GALNT18: variants seen among roughly 807,000 people sequenced by gnomAD.
The protein encoded by GALNT18 is polypeptide N-acetylgalactosaminyltransferase 18.
Under a neutral mutation model 69.5 loss-of-function variants are expected in GALNT18, and 44 were observed. The ratio of observed to expected loss-of-function variants is 0.63; its 90% CI spans 0.50 to 0.81. GALNT18 has a LOEUF of 0.81. GALNT18 is among the 40% of genes least tolerant of loss of function. GALNT18 has a pLI of 0.00. For synonymous variants in GALNT18, 364 were observed against 318.2 expected (o/e 1.14, Z -1.53); for missense variants, 715 against 810.0 (o/e 0.88, Z 1.42).
rs531369596 is a variant in GALNT18, at chr11:11,428,945, A to G, written c.595+3676T>C. 1.2e-4 allele frequency among the ~76,000 whole-genome samples: 19 copies of G among 152,146 alleles called. 1 individual carries two copies. In the South Asian group the frequency reaches 4.0e-3, roughly 32 times the overall value. ...GGGTCATGATGTAACTTTATTTCTT[A>G]CTGTAGAGGATGGTAATTTTTAATT... is the stretch of plus-strand genomic sequence containing the variant. On this transcript the variant is annotated intron_variant, in intron 3 of 10. Transcript: ENST00000227756.
At chr11:11,272,992 A>G (rs1848859516) in intron 10 of GALNT18, among the ~76,000 whole-genome samples, 2 of 148,502 alleles carry the variant, frequency 1.3e-5, no homozygotes, top group African/African-American at 2.4e-5. Flanking sequence ...ATGCAAAAGA[A>G]TGAAACTAGA....
intron 1 of GALNT18, among the ~76,000 whole-genome samples, chr11:11,451,287 A>G (rs1181165231): frequency 6.6e-6 from 1 of 152,220 alleles, no homozygotes; most frequent in African/African-American, 2.4e-5. Context: ...AAAAATCTAA[A>G]TCAGTGAACC....
At chr11:11,449,137 CA>C (rs1855733084) in intron 1 of GALNT18, among the ~76,000 whole-genome samples, 1 of 152,216 alleles carries the variant, frequency 6.6e-6, no homozygotes, top group South Asian at 2.1e-4. Flanking sequence ...CCACAACCAC[CA>C]GGCACAGGAG....
At chr11:11,282,623 G>A (rs935633365) in intron 10 of GALNT18, among the ~76,000 whole-genome samples, 3 of 152,154 alleles carry the variant, frequency 2.0e-5, no homozygotes, top group Non-Finnish European at 4.4e-5. Context: ...CAGTGGTGGT[G>A]AACTAGACTG....
At chr11:11,565,739 A>G (rs1467082204) in intron 1 of GALNT18, among the ~76,000 whole-genome samples, 1 of 152,224 alleles carries the variant, frequency 6.6e-6, no homozygotes, top group Non-Finnish European at 1.5e-5. Flanking sequence ...CAGAAAATAG[A>G]TCAATGCACT....
chr11:11,555,681 A>G lies in GALNT18; in HGVS notation c.235+65678T>C, dbSNP rs1445495142. On this transcript the variant is annotated intron_variant, in intron 1 of 10. Coordinates refer to ENST00000227756, the MANE Select transcript of GALNT18 (RefSeq NM_198516.3). The surrounding 1 kb of genome is among the most constrained non-coding windows in gnomAD (Gnocchi z 4.7). Reference sequence around the variant, plus strand: ...AGACTTTCCTCATTTCCTTAACAGCATTACCAGGGAAGCAAGTAATGGTCA... The same window carrying G: ...AGACTTTCCTCATTTCCTTAACAGCGTTACCAGGGAAGCAAGTAATGGTCA... Among the ~76,000 whole-genome samples the G allele has an allele frequency of 6.6e-6, 1 of 152,166 alleles. No homozygotes were observed. Among genetic ancestry groups the G allele is most frequent in the African/African-American group, 2.4e-5 (1 of 41,454 alleles).
rs1050351261 is a variant in GALNT18, at chr11:11,604,903, C to T, written c.235+16456G>A. On this transcript the variant is annotated intron_variant, in intron 1 of 10. Transcript: ENST00000227756. This position sits in a 1 kb window ranked among gnomAD's most constrained non-coding sequence, Gnocchi z 5.6. Reference sequence around the variant, plus strand: ...AGGAAAATAAAATCACTGCTCTCCTCGGTTGACCCACTGGCTATTGCTCCT... The same window carrying T: ...AGGAAAATAAAATCACTGCTCTCCTTGGTTGACCCACTGGCTATTGCTCCT... Among the ~76,000 whole-genome samples, 8 of 152,170 alleles carry T rather than the reference C, an allele frequency of 5.3e-5. No homozygotes were observed. In the South Asian group the frequency reaches 8.3e-4, roughly 16 times the overall value.
At chr11:11,585,793 CTCAA>C (rs1407952129) in intron 1 of GALNT18, among the ~76,000 whole-genome samples, 2 of 141,188 alleles carry the variant, frequency 1.4e-5, no homozygotes, top group Non-Finnish European at 3.0e-5. Flanking sequence ...GGCCACTCTT[CTCAA>C]TAAGTTTTTT....
chr11:11,390,960 C>T lies in GALNT18; in HGVS notation c.596-11696G>A, dbSNP rs139119303. ...TGGGTCGCTGTGGAAATCCACAAGA[C>T]AATGCCTGGCATGTTGTGAATGCTT... On this transcript the variant is annotated intron_variant, in intron 3 of 10. Coordinates refer to ENST00000227756, the MANE Select transcript of GALNT18 (RefSeq NM_198516.3). Among the ~76,000 whole-genome samples, 11 of 152,338 alleles carry T rather than the reference C, an allele frequency of 7.2e-5. No individual in the cohort carries two copies. In the East Asian group the frequency reaches 2.1e-3, roughly 29 times the overall value.
At chr11:11,354,643 T>C (rs1850488576) in intron 6 of GALNT18, among the ~76,000 whole-genome samples, 1 of 152,182 alleles carries the variant, frequency 6.6e-6, no homozygotes, top group Non-Finnish European at 1.5e-5. Flanking sequence ...ATAATTATTA[T>C]CACTATAATA....
intron 3 of GALNT18, among the ~76,000 whole-genome samples, chr11:11,403,378 T>C (rs907772645): frequency 6.6e-6 from 1 of 152,144 alleles, no homozygotes; most frequent in East Asian, 1.9e-4. Context: ...ATACAAGAAA[T>C]CTACTCTGCA....
chr11:11,513,449 T>C (rs4338519), intron 1 of GALNT18, among the ~76,000 whole-genome samples: 83,373 of 152,026 alleles, frequency 0.55, 23,304 homozygotes, highest in East Asian at 0.84. Flanking sequence ...CCACAGGGTC[T>C]ATCTCTTTCA....
rs373338442 is a variant in GALNT18, at chr11:11,283,495, T to C, written c.1677+9534A>G. Among the ~76,000 whole-genome samples, 11 of 152,292 alleles carry C rather than the reference T, an allele frequency of 7.2e-5. 1 individual carries two copies. Among genetic ancestry groups the C allele is most frequent in the African/African-American group, 2.4e-4 (10 of 41,552 alleles). ...GAATCTGACTGACAGGCTAACCAGG[T>C]CACTCTGGGTGGTGCTGTGTTGGGC... On this transcript the variant is annotated intron_variant, in intron 10 of 10. Coordinates refer to ENST00000227756, the MANE Select transcript of GALNT18 (RefSeq NM_198516.3).
chr11:11,595,457 G>T lies in GALNT18; in HGVS notation c.235+25902C>A, dbSNP rs563682332. Among the ~76,000 whole-genome samples, 4 of 152,106 alleles carry T rather than the reference G, an allele frequency of 2.6e-5. No individual in the cohort carries two copies. Among genetic ancestry groups the T allele is most frequent in the African/African-American group, 4.8e-5 (2 of 41,424 alleles). On this transcript the variant is annotated intron_variant, in intron 1 of 10. Coordinates refer to ENST00000227756, the MANE Select transcript of GALNT18 (RefSeq NM_198516.3). The surrounding 1 kb of genome is among the most constrained non-coding windows in gnomAD (Gnocchi z 5.2). ...TCCAAAACTGTGAGAAATTTCTGTCGTTTAAAAGCTACCCAGTTTTGTTTA... is the reference window on the plus strand; with the variant it reads ...TCCAAAACTGTGAGAAATTTCTGTCTTTTAAAAGCTACCCAGTTTTGTTTA...
intron 1 of GALNT18, among the ~76,000 whole-genome samples, chr11:11,588,192 T>C (rs1293057871): frequency 6.6e-6 from 1 of 152,164 alleles, no homozygotes; most frequent in Non-Finnish European, 1.5e-5. Context: ...TCACACTTTC[T>C]TGTCCTTTTC....
intron 6 of GALNT18, among the ~76,000 whole-genome samples, chr11:11,362,437 G>C (rs1230789854): frequency 1.3e-5 from 2 of 152,214 alleles, no homozygotes; most frequent in African/African-American, 4.8e-5. Flanking sequence ...CTTGCAATTT[G>C]TATGATGGGC....
rs535843877 is a variant in GALNT18, at chr11:11,603,519, A to C, written c.235+17840T>G. 1.2e-4 allele frequency among the ~76,000 whole-genome samples: 18 copies of C among 152,258 alleles called. No homozygotes were observed. The highest frequency in any genetic ancestry group is 2.6e-4 in the Admixed American group (4 of 15,296). ...AATGATACACAGCACCCACCCCCTCAACCATCAGAGCAACATACCCTCCCT... is the reference window on the plus strand; with the variant it reads ...AATGATACACAGCACCCACCCCCTCCACCATCAGAGCAACATACCCTCCCT... On this transcript the variant is annotated intron_variant, in intron 1 of 10. Transcript: ENST00000227756. The surrounding 1 kb of genome is among the most constrained non-coding windows in gnomAD (Gnocchi z 4.5).
At chr11:11,450,455 G>T (rs1313093181) in intron 1 of GALNT18, among the ~76,000 whole-genome samples, 1 of 152,194 alleles carries the variant, frequency 6.6e-6, no homozygotes, top group Non-Finnish European at 1.5e-5. Flanking sequence ...CATGGAAGGG[G>T]TGCTCCAGTG....
chr11:11,369,187 C>T (rs1850839593), intron 6 of GALNT18, among the ~76,000 whole-genome samples: 1 of 152,156 alleles, frequency 6.6e-6, no homozygotes, highest in African/African-American at 2.4e-5. Context: ...TGTAGGTTTC[C>T]CGGGCCTCTT....
Sources: gnomAD v4.1 joint callset for allele counts (sites outside exome capture counted in the v4.1 genomes callset) on GRCh38, gnomAD v4.1.1 for gene constraint, Gnocchi (gnomAD v3.1) non-coding constraint, MANE v1.5 for transcripts, NCBI Gene and HGNC (gene_info 2026-07-23, HGNC 2026-07-21) for gene names.